HECTD4: variants seen among roughly 807,000 people sequenced by gnomAD.
HECTD4 encodes the protein probable E3 ubiquitin-protein ligase HECTD4.
In HECTD4, 114 loss-of-function variants were observed where a neutral mutation model predicts 471.5. That is an observed-to-expected ratio of 0.24 (90% CI 0.21 to 0.28). The LOEUF (loss-of-function observed/expected upper bound fraction) is 0.28, where lower values mean the gene tolerates loss of function less well. Among genes scored for constraint, HECTD4 ranks in the 10% least tolerant of loss-of-function variants. HECTD4 has a pLI of 1.00. For missense variants in HECTD4, 3,866 were observed against 5,651.5 expected (o/e 0.68, Z 10.13); for synonymous variants, 2,012 against 2,256.0 (o/e 0.89, Z 3.07).
chr12:112,171,484 C>A (rs1453991494), intron 67 of HECTD4: 5 of 649,252 alleles, frequency 7.7e-6, no homozygotes, highest in African/African-American at 1.8e-5. Context: ...GAGGTGCTGG[C>A]TCTTAAGGAG....
At chr12:112,234,598 C>G (rs1224487912) in intron 37 of HECTD4, among the ~76,000 whole-genome samples, 1 of 152,190 alleles carries the variant, frequency 6.6e-6, no homozygotes, top group African/African-American at 2.4e-5. Context: ...TTTTTACTTT[C>G]TTCTTGAGTA....
chr12:112,195,166 G>T, intron 55 of HECTD4, 100 bp from the exon 56 acceptor site: 1 of 1,031,490 alleles, frequency 9.7e-7, no homozygotes, highest in Non-Finnish European at 1.4e-6. Context: ...TCCTGCCTCA[G>T]GCTTCTCTTC....
At chr12:112,368,689 A>G (rs1055033916) in intron 1 of HECTD4, among the ~76,000 whole-genome samples, 1 of 152,224 alleles carries the variant, frequency 6.6e-6, no homozygotes, top group African/African-American at 2.4e-5. Flanking sequence ...CTGAAGAAGC[A>G]AATAATAAAA....
chr12:112,229,861 A>C lies in HECTD4; in HGVS notation c.6356T>G (p.Met2119Arg). ...GTATTTCCCCAATTGTGGAATGTAC[A>C]TCAGTGCTCTAGACAGAACCTAAAT... Reference protein sequence around the residue: ...TAEKVLSRALMYIPQLGKYAE... With the variant: ...TAEKVLSRALRYIPQLGKYAE... Residue 2119 changes from methionine to arginine, a missense_variant, in exon 41 of 76, where the codon ATG becomes AGG. Met to Arg is a moderately conservative substitution (Grantham distance 91). This residue lies in a region of HECTD4 where 617 missense variants were observed against 915.1 expected (regional missense o/e 0.67). Transcript: ENST00000682272. The C allele has an allele frequency of 6.2e-7, 1 of 1,613,910 alleles. No homozygotes were observed. Among genetic ancestry groups the C allele is most frequent in the Non-Finnish European group, 8.5e-7 (1 of 1,179,832 alleles).
intron 1 of HECTD4, among the ~76,000 whole-genome samples, chr12:112,375,650 C>G (rs2036762339): frequency 6.6e-6 from 1 of 152,104 alleles, no homozygotes; most frequent in South Asian, 2.1e-4. Context: ...CTCTTAAATT[C>G]CCTTTATCTT....
intron 54 of HECTD4, 87 bp downstream of exon 54, chr12:112,203,549 A>G: frequency 9.0e-7 from 1 of 1,111,706 alleles, no homozygotes; most frequent in Non-Finnish European, 1.3e-6. Flanking sequence ...CATCTGTATA[A>G]TCACTTTTTA....
At chr12:112,342,357 T>C (rs905430455) in intron 1 of HECTD4, among the ~76,000 whole-genome samples, 6 of 152,136 alleles carry the variant, frequency 3.9e-5, no homozygotes, top group Non-Finnish European at 7.3e-5. Context: ...CTCAGGAGGC[T>C]GAGGTGGGAG....
intron 7 of HECTD4, among the ~76,000 whole-genome samples, chr12:112,287,110 T>C (rs1282665211): frequency 1.3e-5 from 2 of 152,196 alleles, no homozygotes; most frequent in Non-Finnish European, 2.9e-5. Context: ...TCAGCTCAAA[T>C]GTCTTTCCTT....
chr12:112,222,356 C>G (rs2033121333), intron 44 of HECTD4, among the ~76,000 whole-genome samples: 1 of 152,132 alleles, frequency 6.6e-6, no homozygotes, highest in Non-Finnish European at 1.5e-5. Flanking sequence ...AGCACCTGGC[C>G]CTCATTTTTC....
intron 59 of HECTD4, among the ~76,000 whole-genome samples, chr12:112,191,581 G>C (rs1319256835): frequency 6.6e-6 from 1 of 152,182 alleles, no homozygotes; most frequent in African/African-American, 2.4e-5. Flanking sequence ...ACAGAAGCCA[G>C]GGCATCAGAG....
At chr12:112,212,733 C>T in intron 48 of HECTD4, 83 bp from the exon 49 acceptor site, 1 of 1,090,970 alleles carries the variant, frequency 9.2e-7, no homozygotes, top group Non-Finnish European at 1.3e-6. Flanking sequence ...TGTCACCCTA[C>T]ACATCACAGA....
intron 8 of HECTD4, among the ~76,000 whole-genome samples, chr12:112,282,081 C>T (rs1489007845): frequency 1.3e-5 from 2 of 151,984 alleles, no homozygotes; most frequent in African/African-American, 4.8e-5. Context: ...GTTAAGAACT[C>T]CTACTTTAAA....
chr12:112,257,037 A>G (rs1054422131), intron 20 of HECTD4, among the ~76,000 whole-genome samples: 1 of 152,192 alleles, frequency 6.6e-6, no homozygotes, highest in Non-Finnish European at 1.5e-5. Context: ...GGTGCCTTCA[A>G]AGGTTCTCTT....
intron 55 of HECTD4, among the ~76,000 whole-genome samples, chr12:112,198,099 T>C (rs1359428562): frequency 6.6e-6 from 1 of 152,176 alleles, no homozygotes; most frequent in Non-Finnish European, 1.5e-5. Flanking sequence ...CCTCCCAAAG[T>C]GCTGGGATTA....
intron 1 of HECTD4, among the ~76,000 whole-genome samples, chr12:112,380,444 C>CG (rs1199844304): frequency 1.3e-5 from 2 of 151,598 alleles, no homozygotes; most frequent in Non-Finnish European, 2.9e-5. Context: ...GACTCGGTCT[C>CG]GGGGGAAAAA....
In HECTD4 at chr12:112,247,049, A is replaced by G. The variant is rs1459569128; in HGVS notation, c.4365T>C (p.Ser1455=). 4.4e-6 allele frequency: 7 copies of G among 1,608,838 alleles called. No homozygotes were observed. The highest frequency in any genetic ancestry group is 1.3e-5 in the African/African-American group (1 of 74,820). The change falls in exon 29 of 76, where the codon TCT becomes TCC. Residue 1455 remains serine (S), a synonymous_variant. Transcript: ENST00000682272. ...LREKFLQEVN[S]LIQKPSHPLA... is the part of the protein sequence containing the mutation. ...GTGGGTGTGAGGGTTTCTGAATAAG[A>G]GAATTCACTTCTTGTAGGAACTTCT...
chr12:112,212,574 C>T lies in HECTD4; in HGVS notation c.7542G>A (p.Val2514=), dbSNP rs370488175. The T allele has an allele frequency of 7.5e-5, 121 of 1,613,800 alleles. No individual in the cohort carries two copies. The highest frequency in any genetic ancestry group is 3.3e-4 in the Middle Eastern group (2 of 6,062). Residue 2514 remains valine, a synonymous_variant, in exon 49 of 76, where the codon GTG becomes GTA. Coordinates refer to ENST00000682272, the MANE Select transcript of HECTD4 (RefSeq NM_001388303.1). ...PPPGQPAKGR[V]YFTYCGQRLS... ...GGCGCTGCCCGCAGTATGTGAAGTA[C>T]ACCCGGCCCTTGGCTGGCTGTCCCG...
Position 112,210,238 on chromosome 12 carries a change from T to A in HECTD4, c.7644A>T (p.Arg2548=). ...CAAACGGCCGGGAGCCAAAGTTAGC[T>A]CGGGTTTTGGTGTTCTGGAAAGGAG... ...VHIQKKNTKT[R]ANFGSRPFAY... The change falls in exon 50 of 76, where the codon CGA becomes CGT. Residue 2548 remains arginine (R), a synonymous_variant. Transcript: ENST00000682272. 1 of 1,613,836 alleles carries A rather than the reference T, an allele frequency of 6.2e-7. No individual in the cohort carries two copies.
At chr12:112,267,169 C>T (rs1369437559) in intron 13 of HECTD4, 187 bp from the exon 14 acceptor site, 2 of 570,068 alleles carry the variant, frequency 3.5e-6, no homozygotes, top group African/African-American at 1.9e-5. Context: ...GTGTGCCCTT[C>T]CTCCCTCACC....
Sources: gnomAD v4.1 joint callset for allele counts (sites outside exome capture counted in the v4.1 genomes callset) on GRCh38, gnomAD v4.1.1 for gene constraint, gnomAD v4.1.1 regional missense constraint, MANE v1.5 for transcripts, NCBI Gene and HGNC (gene_info 2026-07-23, HGNC 2026-07-21) for gene names.